Variants in KRT13 observed in about 807,000 individuals in gnomAD.
KRT13 encodes the protein keratin 13.
Under a neutral mutation model 40.6 loss-of-function variants are expected in KRT13, and 27 were observed. That is an observed-to-expected ratio of 0.67 (90% CI 0.49 to 0.92). The LOEUF (loss-of-function observed/expected upper bound fraction) is 0.92. KRT13 is among the 40% of genes least tolerant of loss of function. The probability of loss-of-function intolerance (pLI) is 0.00; values close to 1 mark genes in which losing one functional copy is unlikely to be tolerated. For synonymous variants in KRT13, 266 were observed against 240.3 expected (o/e 1.11, Z -0.99); for missense variants, 605 against 611.5 (o/e 0.99, Z 0.11).
chr17:41,502,825 C>T lies in KRT13; in HGVS notation c.898-13G>A. On this transcript the variant is annotated splice_polypyrimidine_tract_variant and intron_variant, in intron 4 of 7. Coordinates refer to ENST00000246635, the MANE Select transcript of KRT13 (RefSeq NM_153490.3). ...TCAGCTCTGCACTCTGAAATGCAAG[C>T]AGGAAGAAGGTGGTGGGGAAGCTCA... is the stretch of plus-strand genomic sequence containing the variant. The T allele has an allele frequency of 6.2e-7, 1 of 1,614,178 alleles. No homozygotes were observed. Among genetic ancestry groups the T allele is most frequent in the Non-Finnish European group, 8.5e-7 (1 of 1,180,030 alleles).
intron 5 of KRT13, 32 bp downstream of exon 5, chr17:41,502,655 G>T: frequency 1.9e-6 from 3 of 1,613,264 alleles, no homozygotes; most frequent in Non-Finnish European, 2.5e-6. Flanking sequence ...ACCTAGAGGT[G>T]GTCGCCACCG....
Position 41,501,122 on chromosome 17 carries a change from G to C in KRT13, c.*134C>G, listed in dbSNP as rs1904831222. On this transcript the variant is annotated 3_prime_UTR_variant, in exon 8 of 8. Coordinates refer to ENST00000246635, the MANE Select transcript of KRT13 (RefSeq NM_153490.3). Reference sequence around the variant, plus strand: ...GCACAGAGGGCCCACCATCAGGAGAGAGTCAGGACAGGGGGTCCTGAGAGC... The same window carrying C: ...GCACAGAGGGCCCACCATCAGGAGACAGTCAGGACAGGGGGTCCTGAGAGC... 1 of 661,262 alleles carries C rather than the reference G, an allele frequency of 1.5e-6. No homozygotes were observed. The highest frequency in any genetic ancestry group is 2.8e-6 in the Non-Finnish European group (1 of 357,132). 41.0% of individuals were successfully genotyped at this position (661,262 alleles called of 1,614,324 possible).
intron 1 of KRT13, chr17:41,504,183 T>C (rs1053407595): frequency 9.1e-6 from 2 of 218,982 alleles, no homozygotes; most frequent in African/African-American, 4.7e-5. Context: ...TAATATTCCA[T>C]GTCTGAGCAC....
rs752390503 is a variant in KRT13 at position 41,505,366 on chromosome 17, C to G, written c.185G>C (p.Gly62Ala). 1.2e-6 allele frequency: 2 copies of G among 1,613,944 alleles called. No individual in the cohort carries two copies. ...TCCAAGGCCACCTCCATAGCCACCT[C>G]CAAAGCCACTACCAGCCCCTCCACC... ...GFGGGAGSGFGGGYGGGLGGG... is the reference protein window; with the variant it reads ...GFGGGAGSGFAGGYGGGLGGG... Residue 62 changes from glycine to alanine, a missense_variant, in exon 1 of 8, where the codon GGA becomes GCA. Physicochemically the swap from Gly to Ala is moderately conservative, Grantham distance 60 (BLOSUM62 0). Coordinates refer to ENST00000246635, the MANE Select transcript of KRT13 (RefSeq NM_153490.3).
At position 41,503,033 on chromosome 17, in the gene KRT13, G is replaced by A. The variant is rs371297226; in HGVS notation, c.801C>T (p.Gly267=). ...CTGCCAGCACGCGGGTCAGGTCAATGCCTGGGGTGGCATCCATCTCCACGT... is the reference window on the plus strand; with the variant it reads ...CTGCCAGCACGCGGGTCAGGTCAATACCTGGGGTGGCATCCATCTCCACGT... ...QVNVEMDATP[G]IDLTRVLAEM... Residue 267 remains glycine (G), a synonymous_variant, in exon 4 of 8, where the codon GGC becomes GGT. Coordinates refer to ENST00000246635, the MANE Select transcript of KRT13 (RefSeq NM_153490.3). 41 of 1,614,080 alleles carry A rather than the reference G, an allele frequency of 2.5e-5. No individual in the cohort carries two copies. In the Middle Eastern group the frequency reaches 8.2e-4, roughly 32 times the overall value.
At chr17:41,502,048 G>T in intron 6 of KRT13, 1 of 1,415,300 alleles carries the variant, frequency 7.1e-7, no homozygotes, top group Non-Finnish European at 9.2e-7. Context: ...GAGCCCACAG[G>T]GGTGGCTTGA....
intron 7 of KRT13, 67 bp downstream of exon 7, chr17:41,501,652 C>T: frequency 1.3e-6 from 2 of 1,551,964 alleles, no homozygotes; most frequent in Non-Finnish European, 1.7e-6. Flanking sequence ...CCAGCTCCCA[C>T]CCCCATTGGG....
chr17:41,502,894 T>C, intron 4 of KRT13, 43 bp downstream of exon 4: 1 of 1,611,170 alleles, frequency 6.2e-7, no homozygotes, highest in East Asian at 2.2e-5. Flanking sequence ...CCGGCCCCCC[T>C]GGCTATATGG....
rs374240623 is a variant in KRT13 at position 41,505,162 on chromosome 17, G to A, written c.389C>T (p.Ala130Val). 2.0e-5 allele frequency: 32 copies of A among 1,614,102 alleles called. No individual in the cohort carries two copies. The highest frequency in any genetic ancestry group is 2.2e-5 in the East Asian group (1 of 44,896). Residue 130 changes from alanine (A) to valine (V), a missense_variant, in exon 1 of 8, where the codon GCT becomes GTT. Transcript: ENST00000246635. ...GTCACGGATCTTCACCTCCAGGTCA[G>A]CGTTGGCCTCCTCCAGGGCGCGCAC... is the stretch of plus-strand genomic sequence containing the variant. ...EKVRALEEAN[A>V]DLEVKIRDWH...
intron 1 of KRT13, 21 bp downstream of exon 1, chr17:41,505,034 TC>T: frequency 6.2e-7 from 1 of 1,613,864 alleles, no homozygotes; most frequent in Non-Finnish European, 8.5e-7. Context: ...GGAGGACCCC[TC>T]CTCAGCTTCC....
At chr17:41,504,608 T>A (rs1339621621) in intron 1 of KRT13, 1 of 184,888 alleles carries the variant, frequency 5.4e-6, no homozygotes, top group African/African-American at 2.4e-5. Context: ...TCCCCCAACT[T>A]GGCCATCGCC....
chr17:41,501,706 G>GCTTAC lies in KRT13; in HGVS notation c.1270+12_1270+13insGTAAG. On this transcript the variant is annotated intron_variant, in intron 7 of 7. Transcript: ENST00000246635. ...ACTCTGCCTCCCCCTACACCACGGG[G>GCTTAC]CTGTTCCCTTACCTGCTGAGGAAGG... The GCTTAC allele has an allele frequency of 1.3e-6, 2 of 1,580,224 alleles. No homozygotes were observed. The highest frequency in any genetic ancestry group is 1.7e-6 in the Non-Finnish European group (2 of 1,162,210).
chr17:41,502,190 G>C, intron 6 of KRT13, 184 bp downstream of exon 6: 1 of 1,497,334 alleles, frequency 6.7e-7, no homozygotes, highest in Non-Finnish European at 8.9e-7. Context: ...GTCTAACTTG[G>C]AGGCCCAAAT....
rs1286442168 is a variant in KRT13 at position 41,503,682 on chromosome 17, A to G, written c.539T>C (p.Ile180Thr). 10 of 1,614,076 alleles carry G rather than the reference A, an allele frequency of 6.2e-6. No individual in the cohort carries two copies. Among genetic ancestry groups the G allele is most frequent in the Non-Finnish European group, 7.6e-6 (9 of 1,180,002 alleles). Residue 180 changes from isoleucine (I) to threonine (T), a missense_variant, in exon 2 of 8, where the codon ATT becomes ACT. Coordinates refer to ENST00000246635, the MANE Select transcript of KRT13 (RefSeq NM_153490.3). ...TIENNRVILE[I>T]DNARLAADDF... Reference sequence around the variant, plus strand: ...GTCCGCAGCCAGCCTGGCATTGTCAATCTCCAGGATGACCCGGTTGTTTTC... The same window carrying G: ...GTCCGCAGCCAGCCTGGCATTGTCAGTCTCCAGGATGACCCGGTTGTTTTC...
intron 7 of KRT13, 153 bp downstream of exon 7, chr17:41,501,566 G>A (rs1904851722): frequency 1.5e-6 from 2 of 1,349,794 alleles, no homozygotes; most frequent in South Asian, 1.3e-5. Context: ...GAAAATCAGT[G>A]AGCGAATGAC....
At chr17:41,503,853 G>A in intron 1 of KRT13, 128 bp from the exon 2 acceptor site, 1 of 741,772 alleles carries the variant, frequency 1.3e-6, no homozygotes, top group Admixed American at 2.2e-5. Context: ...GATAGCTGAT[G>A]GGCTAAAAAG....
In KRT13 at chr17:41,503,361, A is replaced by T; in HGVS notation, c.661T>A (p.Ser221Thr). ...ATCTGCATCTCCAGGTCAGTCTTAG[A>T]CAGAGTGAGCTCATCCAGCACCCGG... ...LRRVLDELTLSKTDLEMQIES... is the reference protein window; with the variant it reads ...LRRVLDELTLTKTDLEMQIES... The change falls in exon 3 of 8, where the codon TCT becomes ACT. Residue 221 changes from serine to threonine, a missense_variant. Physicochemically the swap from Ser to Thr is moderately conservative, Grantham distance 58. Coordinates refer to ENST00000246635, the MANE Select transcript of KRT13 (RefSeq NM_153490.3). The T allele has an allele frequency of 6.2e-7, 1 of 1,614,248 alleles. No individual in the cohort carries two copies. The highest frequency in any genetic ancestry group is 1.1e-5 in the South Asian group (1 of 91,090).
In KRT13 at chr17:41,501,023, C is replaced by A; in HGVS notation, c.*233G>T. 1 of 432,492 alleles carries A rather than the reference C, an allele frequency of 2.3e-6. No homozygotes were observed. Among genetic ancestry groups the A allele is most frequent in the Non-Finnish European group, 4.4e-6 (1 of 229,846 alleles). The allele number at this position is 432,492 out of a possible 1,614,324, so 26.8% of individuals were successfully genotyped here. A position where few individuals can be genotyped will look rare whatever the true frequency, so the allele number is the denominator to read the frequency against. On this transcript the variant is annotated 3_prime_UTR_variant, in exon 8 of 8. Coordinates refer to ENST00000246635, the MANE Select transcript of KRT13 (RefSeq NM_153490.3). The stretch of plus-strand genomic sequence containing the variant: ...AGGAAACTTTATTGAATAATCTTTT[C>A]TTTGGGGTAGAGAAGTTGAGAAACC...
intron 6 of KRT13, chr17:41,501,983 G>A: frequency 7.0e-7 from 1 of 1,431,676 alleles, no homozygotes; most frequent in African/African-American, 1.4e-5. Context: ...ACAAGATTCA[G>A]GGTGTTTGTC....
Sources: allele counts gnomAD v4.1 joint callset, GRCh38; gene constraint gnomAD v4.1.1; transcripts MANE v1.5; gene names NCBI Gene and HGNC (gene_info 2026-07-23, HGNC 2026-07-21).